Variants in SPAG16 observed in about 807,000 individuals in gnomAD.
SPAG16 encodes sperm associated antigen 16, also known as sperm-associated antigen 16 protein.
In SPAG16, 86 loss-of-function variants were observed where a neutral mutation model predicts 80.4. That is an observed-to-expected ratio of 1.07 (90% CI 0.90 to 1.28). The LOEUF (loss-of-function observed/expected upper bound fraction) is 1.28, where lower values mean the gene tolerates loss of function less well. Ranked by LOEUF, SPAG16 falls within the 50% of genes most tolerant of loss-of-function variation. The pLI, the probability that SPAG16 is intolerant of heterozygous loss-of-function variation, is 0.00. For synonymous variants in SPAG16, 294 were observed against 265.9 expected (o/e 1.11, Z -1.03); for missense variants, 870 against 765.3 (o/e 1.14, Z -1.61).
intron 15 of SPAG16, among the ~76,000 whole-genome samples, chr2:214,223,643 C>A (rs1365314664): frequency 6.6e-6 from 1 of 151,912 alleles, no homozygotes; most frequent in Non-Finnish European, 1.5e-5. Context: ...TTCTTCTCAT[C>A]AAAAGATACT....
chr2:213,979,499 G>A (rs1372105478), intron 12 of SPAG16, among the ~76,000 whole-genome samples: 1 of 152,084 alleles, frequency 6.6e-6, no homozygotes. Context: ...CATGGCAGAA[G>A]TCAAAGGAGA....
chr2:214,316,600 C>T (rs1481976489), intron 15 of SPAG16, among the ~76,000 whole-genome samples: 1 of 152,130 alleles, frequency 6.6e-6, no homozygotes, highest in African/African-American at 2.4e-5. Context: ...CCTTTTCAGG[C>T]TCTGAGATTT....
Position 213,377,881 on chromosome 2 carries a change from G to A in SPAG16, c.942+2762G>A, listed in dbSNP as rs901950. Among the ~76,000 whole-genome samples the A allele has an allele frequency of 9.2e-3, 928 of 101,122 alleles. 4 individuals carry two copies. Among genetic ancestry groups the A allele is most frequent in the Middle Eastern group, 0.017 (3 of 180 alleles). 66.3% of individuals were successfully genotyped at this position (101,122 alleles called of 152,430 possible). On this transcript the variant is annotated intron_variant, in intron 9 of 15. Coordinates refer to ENST00000331683, the MANE Select transcript of SPAG16 (RefSeq NM_024532.5). ...CAGAGGGATAGAACTAATAGGATGT[G>A]TATATATATATATATATATATATTT...
At chr2:214,194,521 T>A (rs1034752641) in intron 15 of SPAG16, among the ~76,000 whole-genome samples, 1 of 152,058 alleles carries the variant, frequency 6.6e-6, no homozygotes, top group Non-Finnish European at 1.5e-5. Flanking sequence ...CCCAGAGCAA[T>A]AATTCTTCAA....
chr2:214,303,263 T>A (rs1300184062), intron 15 of SPAG16, among the ~76,000 whole-genome samples: 1 of 152,224 alleles, frequency 6.6e-6, no homozygotes, highest in Non-Finnish European at 1.5e-5. Flanking sequence ...GCAAGGATCA[T>A]CCTTTTGTAT....
chr2:213,487,484 T>G (rs1273887602), intron 9 of SPAG16, among the ~76,000 whole-genome samples: 1 of 152,122 alleles, frequency 6.6e-6, no homozygotes, highest in African/African-American at 2.4e-5. Flanking sequence ...GGCCATTGTC[T>G]CCTGAAATAT....
intron 7 of SPAG16, among the ~76,000 whole-genome samples, chr2:213,353,910 C>CT (rs879502670): frequency 3.3e-5 from 5 of 152,046 alleles, no homozygotes; most frequent in Non-Finnish European, 7.4e-5. Flanking sequence ...TTTTTTTATA[C>CT]TTTAAGTTCT....
intron 10 of SPAG16, among the ~76,000 whole-genome samples, chr2:213,491,223 A>C (rs1490033474): frequency 1.3e-5 from 2 of 152,206 alleles, no homozygotes; most frequent in East Asian, 3.8e-4. Context: ...GTGCCTGTAC[A>C]TTCATATGCT....
At chr2:213,979,272 G>T (rs368284262) in intron 12 of SPAG16, among the ~76,000 whole-genome samples, 1 of 151,688 alleles carries the variant, frequency 6.6e-6, no homozygotes, top group Non-Finnish European at 1.5e-5. Context: ...AATGTTGGGG[G>T]GTATGGAATT....
At chr2:214,250,802 G>A (rs904972114) in intron 15 of SPAG16, among the ~76,000 whole-genome samples, 1 of 131,726 alleles carries the variant, frequency 7.6e-6, no homozygotes, top group Admixed American at 7.7e-5. Flanking sequence ...AAACTTTTAA[G>A]TTTAGAAAGG....
At chr2:214,214,768 C>A (rs1296824207) in intron 15 of SPAG16, among the ~76,000 whole-genome samples, 1 of 151,588 alleles carries the variant, frequency 6.6e-6, no homozygotes, top group Non-Finnish European at 1.5e-5. Flanking sequence ...AAAGAAATCA[C>A]AACAAATGCC....
At chr2:213,415,765 T>A (rs1407600208) in intron 9 of SPAG16, among the ~76,000 whole-genome samples, 3 of 152,196 alleles carry the variant, frequency 2.0e-5, no homozygotes, top group Non-Finnish European at 2.9e-5. Flanking sequence ...CTTTGGGACA[T>A]CTGAGTAAAG....
At chr2:213,424,317 A>G (rs1233653277) in intron 9 of SPAG16, among the ~76,000 whole-genome samples, 1 of 152,236 alleles carries the variant, frequency 6.6e-6, no homozygotes, top group African/African-American at 2.4e-5. Context: ...ACTTTAAAAA[A>G]TGAGTTAATT....
chr2:214,138,101 C>G (rs2055156998), intron 14 of SPAG16, among the ~76,000 whole-genome samples: 1 of 152,050 alleles, frequency 6.6e-6, no homozygotes, highest in Non-Finnish European at 1.5e-5. Flanking sequence ...GAGAAAAGCA[C>G]ACAAGTTTTA....
At chr2:214,271,313 AT>A (rs1691979386) in intron 15 of SPAG16, among the ~76,000 whole-genome samples, 1 of 152,106 alleles carries the variant, frequency 6.6e-6, no homozygotes, top group Non-Finnish European at 1.5e-5. Flanking sequence ...ATATTTTAAA[AT>A]TTTTCCCCAT....
chr2:214,128,922 G>T (rs2054622070), intron 14 of SPAG16, among the ~76,000 whole-genome samples: 1 of 151,688 alleles, frequency 6.6e-6, no homozygotes, highest in Admixed American at 6.7e-5. Context: ...ACTAAAGCGG[G>T]GAAGTACCCC....
intron 15 of SPAG16, among the ~76,000 whole-genome samples, chr2:214,371,532 CAA>C (rs199553043): frequency 1.5e-4 from 12 of 78,372 alleles, no homozygotes; most frequent in African/African-American, 3.3e-4. Context: ...AAATCCTTCT[CAA>C]AAAAAAAAAA....
At chr2:214,126,281 G>T (rs1376040019) in intron 14 of SPAG16, among the ~76,000 whole-genome samples, 1 of 151,210 alleles carries the variant, frequency 6.6e-6, no homozygotes, top group Non-Finnish European at 1.5e-5. Context: ...TCGCCTTAGG[G>T]AAGAGGAGTT....
intron 11 of SPAG16, among the ~76,000 whole-genome samples, chr2:213,923,243 A>G (rs2078307000): frequency 6.6e-6 from 1 of 152,106 alleles, no homozygotes; most frequent in African/African-American, 2.4e-5. Flanking sequence ...GGACAATAGG[A>G]GTCTACCCAC....
Sources: allele counts gnomAD v4.1 joint callset (sites outside exome capture counted in the v4.1 genomes callset), GRCh38; gene constraint gnomAD v4.1.1; transcripts MANE v1.5; gene names NCBI Gene and HGNC (gene_info 2026-07-23, HGNC 2026-07-21).